CHLSN: variants seen among roughly 807,000 people sequenced by gnomAD.
CHLSN encodes cholesin, also known as protein cholesin.
chr7:1,013,454 G>A, the CHLSN span, among the ~76,000 whole-genome samples: 2 of 152,196 alleles, frequency 1.3e-5, no homozygotes, highest in Non-Finnish European at 2.9e-5. Context: ...TGCAAAGCCT[G>A]GCGCAGCAGC....
the CHLSN span, among the ~76,000 whole-genome samples, chr7:1,109,747 C>T: frequency 0.034 from 5,103 of 152,070 alleles, 278 homozygotes; most frequent in African/African-American, 0.11. Context: ...CCGTGGGCGG[C>T]GGAGCCCTTC....
At chr7:1,031,395 G>C in the CHLSN span, among the ~76,000 whole-genome samples, 1 of 144,842 alleles carries the variant, frequency 6.9e-6, no homozygotes, top group South Asian at 2.2e-4. Flanking sequence ...GTGGTCCGGG[G>C]GGGCAGAGAC....
chr7:1,041,214 C>CGGTACCCGGGCTCCGCGCTGCGGGGAAG, the CHLSN span, among the ~76,000 whole-genome samples: 3 of 107,480 alleles, frequency 2.8e-5, no homozygotes, highest in Admixed American at 9.3e-5. Context: ...CTGCAGGGAA[C>CGGTACCCGGGCTCCGCGCTGCGGGGAAG]GGGACCTGGG....
chr7:1,059,959 T>TA, the CHLSN span, among the ~76,000 whole-genome samples: 1 of 14,710 alleles, frequency 6.8e-5, no homozygotes, highest in African/African-American at 3.3e-4. Flanking sequence ...GAGGCGGGTC[T>TA]TAGGCGGGCC....
At chr7:983,132 A>G in the CHLSN span, 1 of 1,234,588 alleles carries the variant, frequency 8.1e-7, no homozygotes, top group African/African-American at 1.6e-5. Context: ...GGGTGCGGGC[A>G]CGCCCTCCCG....
At chr7:1,055,596 C>G in the CHLSN span, 1 of 374,018 alleles carries the variant, frequency 2.7e-6, no homozygotes. Flanking sequence ...AGAGAGGACG[C>G]AGGGGGTTCT....
the CHLSN span, among the ~76,000 whole-genome samples, chr7:1,100,476 G>A: frequency 6.6e-5 from 10 of 152,232 alleles, no homozygotes; most frequent in African/African-American, 7.2e-5. Context: ...CCATCTCCGC[G>A]GCAGGAGCTT....
chr7:1,096,243 C>T, the CHLSN span, among the ~76,000 whole-genome samples: 11 of 152,240 alleles, frequency 7.2e-5, no homozygotes, highest in Admixed American at 2.0e-4. This position sits in a 1 kb window ranked among gnomAD's most constrained non-coding sequence, Gnocchi z 4.6. Flanking sequence ...AGAGCTGACA[C>T]GCCGCCATCT....
the CHLSN span, among the ~76,000 whole-genome samples, chr7:1,037,479 C>T: frequency 7.4e-6 from 1 of 134,622 alleles, no homozygotes; most frequent in Non-Finnish European, 1.7e-5. Context: ...CCCCTAACCG[C>T]GAGTGATCCC....
At chr7:1,025,884 CAG>C in the CHLSN span, 17 of 152,274 alleles carry the variant, frequency 1.1e-4, no homozygotes, top group African/African-American at 3.4e-4. Context: ...TGGCACAGGA[CAG>C]ACACCCACCA....
chr7:1,048,205 A>T, the CHLSN span, among the ~76,000 whole-genome samples: 1 of 152,180 alleles, frequency 6.6e-6, no homozygotes, highest in Non-Finnish European at 1.5e-5. Context: ...AGACAGTGTG[A>T]AAGAGAGCAC....
chr7:1,065,173 G>A, the CHLSN span, among the ~76,000 whole-genome samples: 1 of 152,164 alleles, frequency 6.6e-6, no homozygotes, highest in South Asian at 2.1e-4. Flanking sequence ...GGACAGGCTG[G>A]CTTCCTGCCC....
At chr7:1,089,751 G>A in the CHLSN span, among the ~76,000 whole-genome samples, 1 of 145,794 alleles carries the variant, frequency 6.9e-6, no homozygotes, top group Admixed American at 6.9e-5. Context: ...CAAGCAATAG[G>A]TCAACAAATC....
chr7:1,034,431 C>T, the CHLSN span, among the ~76,000 whole-genome samples: 5 of 151,060 alleles, frequency 3.3e-5, no homozygotes, highest in African/African-American at 4.9e-5. Flanking sequence ...TATTCTAAAA[C>T]GTATATGGAA....
At chr7:1,128,903 G>A in the CHLSN span, among the ~76,000 whole-genome samples, 1 of 3,872 alleles carries the variant, frequency 2.6e-4, no homozygotes, top group Non-Finnish European at 4.6e-4. Context: ...GTGCAGTGGC[G>A]CCATCTCGGC....
At chr7:1,125,212 G>A in the CHLSN span, among the ~76,000 whole-genome samples, 2 of 152,198 alleles carry the variant, frequency 1.3e-5, no homozygotes, top group African/African-American at 4.8e-5. Flanking sequence ...CCACCGTCCC[G>A]GGCATCCGTG....
At chr7:997,940 G>A in the CHLSN span, 39 of 743,084 alleles carry the variant, frequency 5.2e-5, no homozygotes, top group African/African-American at 3.9e-4. Context: ...GGGTGTGGGC[G>A]GCCTGGCCAC....
the CHLSN span, among the ~76,000 whole-genome samples, chr7:1,084,692 T>C: frequency 6.6e-6 from 1 of 152,174 alleles, no homozygotes; most frequent in Non-Finnish European, 1.5e-5. Context: ...CAGAACCGTG[T>C]AGACCCACGC....
the CHLSN span, among the ~76,000 whole-genome samples, chr7:1,136,361 T>TATATGTAA: frequency 1.8e-5 from 1 of 55,584 alleles, no homozygotes; most frequent in Non-Finnish European, 3.0e-5. Context: ...TATATAAACA[T>TATATGTAA]ATATATAAAT....
Sources: gnomAD v4.1 joint callset for allele counts (sites outside exome capture counted in the v4.1 genomes callset) on GRCh38, gnomAD v4.1.1 for gene constraint, Gnocchi (gnomAD v3.1) non-coding constraint, MANE v1.5 for transcripts, NCBI Gene and HGNC (gene_info 2026-07-23, HGNC 2026-07-21) for gene names.